BCOR: variants seen among roughly 807,000 people sequenced by gnomAD.
The protein encoded by BCOR is BCL-6 corepressor.
In BCOR, 10 loss-of-function variants were observed where a neutral mutation model predicts 86.7. That is an observed-to-expected ratio of 0.12 (90% CI 0.07 to 0.20). The LOEUF (loss-of-function observed/expected upper bound fraction) is 0.20. Ranked by LOEUF, BCOR falls within the 10% of genes least tolerant of loss-of-function variation. The probability of loss-of-function intolerance (pLI) is 1.00; values close to 1 mark genes in which losing one functional copy is unlikely to be tolerated. For synonymous variants in BCOR, 611 were observed against 609.0 expected, an observed-to-expected ratio of 1.00 and a Z score of -0.05; for missense variants, 1,259 against 1,452.1, an observed-to-expected ratio of 0.87 and a Z score of 2.16.
Position 40,064,395 on chromosome X carries a change from G to A in BCOR, c.3443C>T (p.Thr1148Ile). 8.2e-7 allele frequency: 1 copy of A among 1,212,283 alleles called. No individual in the cohort carries two copies. Among genetic ancestry groups the A allele is most frequent in the Non-Finnish European group, 1.1e-6 (1 of 895,521 alleles). The change falls in exon 7 of 15, where the codon ACT (threonine) becomes ATT (isoleucine). Residue 1148 changes from threonine to isoleucine, a missense_variant. Physicochemically the swap from Thr to Ile is moderately conservative, Grantham distance 89 (BLOSUM62 -1). Coordinates refer to ENST00000378444, the MANE Select transcript of BCOR (RefSeq NM_001123385.2). ...VSGDSSHTETTAEEVPEDPLL... is the reference protein window; with the variant it reads ...VSGDSSHTETIAEEVPEDPLL... ...AGGGTCCTCTGGCACCTCCTCCGCAGTGGTCTCAGTGTGGCTGCTGTCACC... is the reference window on the plus strand; with the variant it reads ...AGGGTCCTCTGGCACCTCCTCCGCAATGGTCTCAGTGTGGCTGCTGTCACC...
intron 1 of BCOR, among the ~76,000 whole-genome samples, chrX:40,126,478 T>C (rs1446424439): frequency 7.5e-5 from 8 of 106,646 alleles, no homozygotes; most frequent in African/African-American, 2.7e-4. Context: ...TGAGCCGAGA[T>C]CGTGCCATTG....
At chrX:40,107,802 C>T (rs974426244) in intron 1 of BCOR, among the ~76,000 whole-genome samples, 2 of 113,308 alleles carry the variant, frequency 1.8e-5, no homozygotes, top group Middle Eastern at 9.3e-3. Context: ...TGGCGGCGCC[C>T]CTCCTCCTCC....
upstream of BCOR, among the ~76,000 whole-genome samples, chrX:40,101,457 T>C (rs1404472034): frequency 1.8e-5 from 2 of 113,245 alleles, no homozygotes; most frequent in Admixed American, 9.2e-5. Context: ...GTGCTGCGGA[T>C]GGAGCAGCGG....
At chrX:40,104,397 G>A (rs1355762472) in intron 1 of BCOR, among the ~76,000 whole-genome samples, 2 of 112,035 alleles carry the variant, frequency 1.8e-5, no homozygotes, top group African/African-American at 6.5e-5. Context: ...CGGACCCTCG[G>A]GGAGTTTTAG....
intron 1 of BCOR, among the ~76,000 whole-genome samples, chrX:40,135,649 G>A (rs1268999378): frequency 9.0e-6 from 1 of 111,090 alleles, no homozygotes; most frequent in Non-Finnish European, 1.9e-5. Flanking sequence ...CTCGGCCTCC[G>A]AAAGTACTGG....
At chrX:40,076,403 C>G in intron 3 of BCOR, 51 bp downstream of exon 3, 1 of 948,312 alleles carries the variant, frequency 1.1e-6, no homozygotes, top group East Asian at 3.1e-5. Flanking sequence ...CGATTGATTA[C>G]AGATCACTGA....
At chrX:40,109,572 C>T (rs933325964) in intron 1 of BCOR, among the ~76,000 whole-genome samples, 5 of 111,468 alleles carry the variant, frequency 4.5e-5, no homozygotes, top group Non-Finnish European at 7.6e-5. Flanking sequence ...GGCGCCGGCC[C>T]CGCGGAGGGC....
chrX:40,161,214 T>G (rs1434026730), intron 1 of BCOR, among the ~76,000 whole-genome samples: 5 of 104,307 alleles, frequency 4.8e-5, no homozygotes, highest in African/African-American at 1.4e-4. Context: ...TTTTGTTTTT[T>G]GGGTTTTTTT....
At chrX:40,129,796 C>T (rs748058562) in intron 1 of BCOR, among the ~76,000 whole-genome samples, 1 of 110,761 alleles carries the variant, frequency 9.0e-6, no homozygotes, top group East Asian at 2.9e-4. Context: ...ACCCAGCAGG[C>T]GTGGGAGGCT....
intron 1 of BCOR, among the ~76,000 whole-genome samples, chrX:40,086,883 C>G (rs1305863413): frequency 8.8e-6 from 1 of 113,287 alleles, no homozygotes; most frequent in Non-Finnish European, 1.9e-5. Flanking sequence ...AACAAGGGAC[C>G]CCTTCTCCCC....
At chrX:40,175,711 G>A (rs763078535) in intron 1 of BCOR, among the ~76,000 whole-genome samples, 22 of 112,935 alleles carry the variant, frequency 1.9e-4, no homozygotes, top group African/African-American at 6.4e-4. Flanking sequence ...TGCAGCGTCT[G>A]GGGACGCGAA....
chrX:40,064,216 T>TC, intron 7 of BCOR, 120 bp downstream of exon 7: 1 of 1,056,258 alleles, frequency 9.5e-7, no homozygotes, highest in Admixed American at 2.2e-5. Context: ...CCCCACGGCT[T>TC]CCCCTCACCG....
At chrX:40,063,450 G>A (rs188096995) in intron 8 of BCOR, among the ~76,000 whole-genome samples, 158 bp downstream of exon 8, 24 of 112,041 alleles carry the variant, frequency 2.1e-4, no homozygotes, top group South Asian at 3.7e-4. Context: ...GTGCAACCAC[G>A]GGCAAGGACA....
chrX:40,116,263 C>A (rs909928778), intron 1 of BCOR, among the ~76,000 whole-genome samples: 1 of 111,502 alleles, frequency 9.0e-6, no homozygotes, highest in African/African-American at 3.3e-5. Context: ...TTTGGGAGGC[C>A]GAGGCGGGTG....
chrX:40,142,988 C>A (rs1219213099), intron 1 of BCOR, among the ~76,000 whole-genome samples: 1 of 112,091 alleles, frequency 8.9e-6, no homozygotes, highest in Non-Finnish European at 1.9e-5. Context: ...GGGGCAAAAA[C>A]CAAGGACCCC....
Position 40,073,993 on chromosome X carries a change from A to T in BCOR, c.1353T>A (p.Asp451Glu), listed in dbSNP as rs1438924523. 6 of 1,212,344 alleles carry T rather than the reference A, an allele frequency of 4.9e-6. No homozygotes were observed. Among genetic ancestry groups the T allele is most frequent in the Middle Eastern group, 2.3e-4 (1 of 4,356 alleles). Residue 451 changes from aspartate (D) to glutamate (E), a missense_variant, in exon 4 of 15, where the codon GAT (aspartate) becomes GAA (glutamate). Transcript: ENST00000378444. Reference sequence around the variant, plus strand: ...TTTTCATGTGGTCAGCTTTGGAAGCATCTACATCCACCACTTTAGAAGACA... The same window carrying T: ...TTTTCATGTGGTCAGCTTTGGAAGCTTCTACATCCACCACTTTAGAAGACA... Reference protein sequence around the residue: ...LDLSSKVVDVDASKADHMKKM... With the variant: ...LDLSSKVVDVEASKADHMKKM...
At chrX:40,126,321 C>T (rs1457313363) in intron 1 of BCOR, among the ~76,000 whole-genome samples, 4 of 106,295 alleles carry the variant, frequency 3.8e-5, no homozygotes, top group Non-Finnish European at 5.8e-5. Context: ...GTCGGGAGAT[C>T]GAGACCAGCC....
At chrX:40,069,006 A>T (rs191539470) in intron 6 of BCOR, among the ~76,000 whole-genome samples, 1 of 112,629 alleles carries the variant, frequency 8.9e-6, no homozygotes, top group Non-Finnish European at 1.9e-5. Context: ...TGCCTGCCCC[A>T]AATCCCCACC....
intron 1 of BCOR, among the ~76,000 whole-genome samples, chrX:40,080,835 T>C (rs952556551): frequency 5.0e-5 from 5 of 100,099 alleles, no homozygotes; most frequent in Non-Finnish European, 1.0e-4. Flanking sequence ...TGTGTGTGTG[T>C]GTGTGTGTGT....
Sources: allele counts gnomAD v4.1 joint callset (sites outside exome capture counted in the v4.1 genomes callset), GRCh38; gene constraint gnomAD v4.1.1; transcripts MANE v1.5; gene names NCBI Gene and HGNC (gene_info 2026-07-23, HGNC 2026-07-21).